Variants in KIAA0232 observed in about 807,000 individuals in gnomAD.
The protein encoded by KIAA0232 is uncharacterized protein KIAA0232.
In KIAA0232, 27 loss-of-function variants were observed where a neutral mutation model predicts 122.0. The observed-to-expected ratio is 0.22, with a 90% CI of 0.16 to 0.31. KIAA0232 has a LOEUF of 0.31. Among genes scored for constraint, KIAA0232 ranks in the 10% least tolerant of loss-of-function variants. The probability of loss-of-function intolerance (pLI) is 1.00; values close to 1 mark genes in which losing one functional copy is unlikely to be tolerated. For missense variants in KIAA0232, 1,551 were observed against 1,634.2 expected (o/e 0.95, Z 0.88); for synonymous variants, 613 against 587.6 (o/e 1.04, Z -0.63).
At chr4:6,817,726 G>A (rs13132849) in intron 2 of KIAA0232, among the ~76,000 whole-genome samples, 2 of 152,040 alleles carry the variant, frequency 1.3e-5, no homozygotes, top group African/African-American at 2.4e-5. Flanking sequence ...ATCCTTACTG[G>A]TTTTTTTGTG....
chr4:6,848,785 T>A (rs1187492313), intron 4 of KIAA0232, among the ~76,000 whole-genome samples: 1 of 152,220 alleles, frequency 6.6e-6, no homozygotes, highest in African/African-American at 2.4e-5. Context: ...AAGGTGCCTG[T>A]CTGAATACAT....
intron 2 of KIAA0232, among the ~76,000 whole-genome samples, chr4:6,812,084 C>A (rs890669138): frequency 4.6e-5 from 7 of 152,106 alleles, no homozygotes; most frequent in Non-Finnish European, 7.3e-5. Flanking sequence ...TGTGTTATTT[C>A]AGAGTAGCTG....
At chr4:6,788,194 T>A (rs1473213298) in intron 1 of KIAA0232, among the ~76,000 whole-genome samples, 1 of 152,066 alleles carries the variant, frequency 6.6e-6, no homozygotes, top group Non-Finnish European at 1.5e-5. Context: ...CCTGGCTAAT[T>A]TTTTGTAGAG....
At chr4:6,813,642 G>A (rs28704521) in intron 2 of KIAA0232, among the ~76,000 whole-genome samples, 2,347 of 152,220 alleles carry the variant, frequency 0.015, 20 homozygotes, top group Non-Finnish European at 0.025. Flanking sequence ...GATTACAGGC[G>A]TGAGCCACCG....
In KIAA0232 at chr4:6,863,462, A is replaced by C. The variant is rs772424300; in HGVS notation, c.3080A>C (p.Asn1027Thr). The change falls in exon 7 of 10, where the codon AAC becomes ACC. Residue 1027 changes from asparagine (N) to threonine (T), a missense_variant. Physicochemically the swap from Asn to Thr is moderately conservative, Grantham distance 65. This residue lies in a region of KIAA0232 where 1,108 missense variants were observed against 1,154.8 expected (regional missense o/e 0.96). Coordinates refer to ENST00000307659, the MANE Select transcript of KIAA0232 (RefSeq NM_014743.3). Reference protein sequence around the residue: ...FHEDLLGACGNFQVEDPGLEY... With the variant: ...FHEDLLGACGTFQVEDPGLEY... ...GAAGACTTACTAGGAGCTTGTGGCA[A>C]CTTTCAAGTCGAAGATCCTGGACTT... The C allele has an allele frequency of 3.1e-6, 5 of 1,614,078 alleles. 1 individual carries two copies. The highest frequency in any genetic ancestry group is 2.2e-5 in the South Asian group (2 of 91,088).
chr4:6,835,060 ACAGG>A (rs2109088529), intron 3 of KIAA0232, among the ~76,000 whole-genome samples: 1 of 152,296 alleles, frequency 6.6e-6, no homozygotes, highest in South Asian at 2.1e-4. Flanking sequence ...CAGCTGACAG[ACAGG>A]CTGAGCTGGA....
chr4:6,861,003 T>A lies in KIAA0232; in HGVS notation c.621T>A (p.Ser207=). ...AAGTCTGTTCTTACTCTAGCTCTTCTTCATCATCCACAGCCCCACCAGCTA... is the reference window on the plus strand; with the variant it reads ...AAGTCTGTTCTTACTCTAGCTCTTCATCATCATCCACAGCCCCACCAGCTA... ...KSKVCSYSSS[S]SSSTAPPAST... is the part of the protein sequence containing the mutation. Residue 207 remains serine, a synonymous_variant, in exon 7 of 10, where the codon TCT becomes TCA. Coordinates refer to ENST00000307659, the MANE Select transcript of KIAA0232 (RefSeq NM_014743.3). 1 of 1,614,176 alleles carries A rather than the reference T, an allele frequency of 6.2e-7. No homozygotes were observed. Among genetic ancestry groups the A allele is most frequent in the Non-Finnish European group, 8.5e-7 (1 of 1,180,042 alleles).
At chr4:6,786,634 G>T (rs142574028) in intron 1 of KIAA0232, among the ~76,000 whole-genome samples, 1 of 152,030 alleles carries the variant, frequency 6.6e-6, no homozygotes, top group Non-Finnish European at 1.5e-5. Flanking sequence ...AATAAACATC[G>T]GTGCCCACAA....
intron 2 of KIAA0232, among the ~76,000 whole-genome samples, chr4:6,805,288 A>G (rs1216767501): frequency 1.3e-5 from 2 of 152,300 alleles, no homozygotes; most frequent in Admixed American, 6.5e-5. Context: ...CTTTGATCCT[A>G]TTCTGAGTTC....
intron 2 of KIAA0232, among the ~76,000 whole-genome samples, chr4:6,817,212 A>G (rs751196737): frequency 6.6e-6 from 1 of 152,100 alleles, no homozygotes; most frequent in Non-Finnish European, 1.5e-5. Context: ...TGGCATCCTA[A>G]AAATATTGAT....
intron 7 of KIAA0232, among the ~76,000 whole-genome samples, chr4:6,865,779 C>T (rs1456500222): frequency 6.6e-6 from 1 of 152,178 alleles, no homozygotes; most frequent in Non-Finnish European, 1.5e-5. Context: ...TGACACTTTC[C>T]CTAATTCCCT....
At chr4:6,833,725 A>G (rs965744255) in intron 3 of KIAA0232, among the ~76,000 whole-genome samples, 8 of 152,212 alleles carry the variant, frequency 5.3e-5, no homozygotes, top group Admixed American at 3.3e-4. Context: ...TGACTCCCAT[A>G]GTGACAAAAA....
chr4:6,829,731 A>G (rs533773903), intron 3 of KIAA0232, among the ~76,000 whole-genome samples: 234 of 152,324 alleles, frequency 1.5e-3, no homozygotes, highest in Non-Finnish European at 2.1e-3. Flanking sequence ...AGTTTAAAAC[A>G]TTTTACAGTC....
intron 4 of KIAA0232, among the ~76,000 whole-genome samples, chr4:6,844,835 C>T (rs1346928234): frequency 1.3e-5 from 2 of 152,098 alleles, no homozygotes; most frequent in East Asian, 3.8e-4. Context: ...CATTTCATTA[C>T]AACAATTAGG....
chr4:6,856,467 AT>A (rs991800774), intron 4 of KIAA0232, among the ~76,000 whole-genome samples: 1 of 152,136 alleles, frequency 6.6e-6, no homozygotes, highest in Non-Finnish European at 1.5e-5. Context: ...TGTTTTCTAC[AT>A]TCATTTTTCT....
At position 6,864,598 on chromosome 4, in the gene KIAA0232, G is replaced by T. The variant is rs557473480; in HGVS notation, c.3801+415G>T. Reference sequence around the variant, plus strand: ...TACTAAAAATACAAAAATTACCCAGGCGTGGTGGCAGGCACCTGTAATCCC... The same window carrying T: ...TACTAAAAATACAAAAATTACCCAGTCGTGGTGGCAGGCACCTGTAATCCC... On this transcript the variant is annotated intron_variant, in intron 7 of 9. Transcript: ENST00000307659. 2.0e-5 allele frequency among the ~76,000 whole-genome samples: 3 copies of T among 152,028 alleles called. No individual in the cohort carries two copies. The South Asian group carries it at 6.2e-4, about 32-fold the overall frequency.
rs1203577742 is a variant in KIAA0232, at chr4:6,882,304, C to T, written c.*1338C>T. Reference sequence around the variant, plus strand: ...AATCTGTGAAATCAGCGTAGCATGCCTGGAGCATCAGGAATGGCAGAAAAG... The same window carrying T: ...AATCTGTGAAATCAGCGTAGCATGCTTGGAGCATCAGGAATGGCAGAAAAG... On this transcript the variant is annotated 3_prime_UTR_variant, in exon 10 of 10. Transcript: ENST00000307659. 1 of 152,104 alleles carries T rather than the reference C, an allele frequency of 6.6e-6. No individual in the cohort carries two copies. The highest frequency in any genetic ancestry group is 2.4e-5 in the African/African-American group (1 of 41,432). 9.4% of individuals were successfully genotyped at this position (152,104 alleles called of 1,614,324 possible).
chr4:6,792,652 A>T, intron 1 of KIAA0232, among the ~76,000 whole-genome samples: 1 of 146,526 alleles, frequency 6.8e-6, no homozygotes, highest in Admixed American at 6.8e-5. Flanking sequence ...TGCTTCAGTG[A>T]TCTGCTGTTG....
intron 9 of KIAA0232, among the ~76,000 whole-genome samples, chr4:6,877,272 T>TG (rs1721806712): frequency 6.6e-6 from 1 of 152,168 alleles, no homozygotes; most frequent in Non-Finnish European, 1.5e-5. Context: ...AGCATGTACT[T>TG]GCGTTCCGTT....
Sources: allele counts gnomAD v4.1 joint callset (sites outside exome capture counted in the v4.1 genomes callset), GRCh38; gene constraint gnomAD v4.1.1; regional missense constraint gnomAD v4.1.1; transcripts MANE v1.5; gene names NCBI Gene and HGNC (gene_info 2026-07-23, HGNC 2026-07-21).